Variants in ADAMTSL1 observed in about 807,000 individuals in gnomAD.
ADAMTSL1 encodes the protein ADAMTS-like protein 1.
ADAMTSL1 carries 126 observed loss-of-function variants against 201.8 expected under a neutral mutation model. The ratio of observed to expected loss-of-function variants is 0.62; its 90% CI spans 0.54 to 0.72. The LOEUF (loss-of-function observed/expected upper bound fraction) is 0.72. Among genes scored for constraint, ADAMTSL1 ranks in the 30% least tolerant of loss-of-function variants. The pLI is 0.00. For synonymous variants in ADAMTSL1, 1,121 were observed against 903.4 expected (o/e 1.24, Z -4.32); for missense variants, 2,679 against 2,277.8 (o/e 1.18, Z -3.59).
At chr9:18,343,881 C>T (rs558867817) in intron 2 of ADAMTSL1, among the ~76,000 whole-genome samples, 6 of 152,164 alleles carry the variant, frequency 3.9e-5, no homozygotes, top group Non-Finnish European at 7.4e-5. Flanking sequence ...AGCTTTATGT[C>T]TGAAAAATGT....
chr9:18,077,500 A>C (rs1239504862), intron 1 of ADAMTSL1, among the ~76,000 whole-genome samples: 2 of 152,200 alleles, frequency 1.3e-5, no homozygotes, highest in Non-Finnish European at 2.9e-5. Flanking sequence ...TGTGATATTG[A>C]GAAAATGCAT....
intron 21 of ADAMTSL1, among the ~76,000 whole-genome samples, chr9:18,819,079 C>A (rs1468260909): frequency 2.0e-5 from 3 of 152,162 alleles, no homozygotes; most frequent in African/African-American, 7.2e-5. Context: ...TCACTATGGA[C>A]ACATGCTTTG....
intron 1 of ADAMTSL1, among the ~76,000 whole-genome samples, chr9:18,088,447 T>C (rs1021345335): frequency 6.6e-6 from 1 of 152,006 alleles, no homozygotes; most frequent in African/African-American, 2.4e-5. Flanking sequence ...ACAATCAACA[T>C]GGAGAAAATG....
At chr9:18,719,949 A>G (rs926621604) in intron 14 of ADAMTSL1, among the ~76,000 whole-genome samples, 1 of 152,218 alleles carries the variant, frequency 6.6e-6, no homozygotes, top group African/African-American at 2.4e-5. Context: ...GTATTTATGT[A>G]TATTGCTAAT....
At position 18,524,511 on chromosome 9, in the gene ADAMTSL1, T is replaced by C. The variant is rs533089459; in HGVS notation, c.192-8736T>C. Among the ~76,000 whole-genome samples the C allele has an allele frequency of 7.5e-3, 1,148 of 152,182 alleles. 22 individuals are homozygous for C. Among genetic ancestry groups the C allele is most frequent in the African/African-American group, 0.025 (1,026 of 41,520 alleles). On this transcript the variant is annotated intron_variant, in intron 2 of 28. Coordinates refer to ENST00000380548, the MANE Select transcript of ADAMTSL1 (RefSeq NM_001040272.6). Reference sequence around the variant, plus strand: ...GAGTGGTGAGAGAGGGCATCCCTGTTTTGTGCCAGTTTTCAAAGGGAATGC... The same window carrying C: ...GAGTGGTGAGAGAGGGCATCCCTGTCTTGTGCCAGTTTTCAAAGGGAATGC...
intron 7 of ADAMTSL1, among the ~76,000 whole-genome samples, chr9:18,653,403 C>T (rs1301551826): frequency 6.6e-6 from 1 of 152,196 alleles, no homozygotes; most frequent in Admixed American, 6.5e-5. Flanking sequence ...CTTTAGACAA[C>T]ATTATACCTG....
At chr9:18,139,736 A>G (rs546097069) in intron 1 of ADAMTSL1, among the ~76,000 whole-genome samples, 1 of 152,188 alleles carries the variant, frequency 6.6e-6, no homozygotes, top group Non-Finnish European at 1.5e-5. Context: ...AGATATAGAC[A>G]TGAGATCACA....
intron 2 of ADAMTSL1, among the ~76,000 whole-genome samples, chr9:18,237,102 A>G (rs1174331170): frequency 1.3e-5 from 2 of 152,232 alleles, no homozygotes; most frequent in Non-Finnish European, 2.9e-5. Context: ...ACAATAAACA[A>G]ACATCACTAA....
chr9:18,536,098 T>C (rs1426358501), intron 3 of ADAMTSL1, among the ~76,000 whole-genome samples: 2 of 152,194 alleles, frequency 1.3e-5, no homozygotes, highest in Non-Finnish European at 2.9e-5. Flanking sequence ...ATTTTCTTGC[T>C]TTTAGTGATA....
At chr9:17,933,784 C>G (rs1018935226) in intron 1 of ADAMTSL1, among the ~76,000 whole-genome samples, 3 of 152,120 alleles carry the variant, frequency 2.0e-5, no homozygotes, top group Non-Finnish European at 4.4e-5. Flanking sequence ...ATCATGAGAA[C>G]AGCAAGGGAG....
At chr9:18,082,177 G>A (rs77831657) in intron 1 of ADAMTSL1, among the ~76,000 whole-genome samples, 3,195 of 152,178 alleles carry the variant, frequency 0.021, 117 homozygotes, top group African/African-American at 0.073. Context: ...ATATAAAGGC[G>A]GAACAATAGC....
At chr9:18,885,392 A>G (rs962361802) in intron 23 of ADAMTSL1, among the ~76,000 whole-genome samples, 2 of 152,204 alleles carry the variant, frequency 1.3e-5, no homozygotes, top group East Asian at 3.9e-4. Flanking sequence ...AAATATCTGA[A>G]CCATAGTAGC....
At chr9:18,857,741 A>G (rs1826953288) in intron 23 of ADAMTSL1, among the ~76,000 whole-genome samples, 1 of 152,270 alleles carries the variant, frequency 6.6e-6, no homozygotes, top group East Asian at 1.9e-4. Flanking sequence ...TTCCTCATTG[A>G]ACTTACCTGC....
At chr9:18,298,270 G>A (rs1055807530) in intron 2 of ADAMTSL1, among the ~76,000 whole-genome samples, 1 of 152,174 alleles carries the variant, frequency 6.6e-6, no homozygotes, top group Non-Finnish European at 1.5e-5. Flanking sequence ...AAGTACCAGA[G>A]AGCCGTGCAG....
At chr9:18,071,807 A>T (rs577708545) in intron 1 of ADAMTSL1, among the ~76,000 whole-genome samples, 6 of 152,306 alleles carry the variant, frequency 3.9e-5, no homozygotes, top group African/African-American at 9.6e-5. Flanking sequence ...TTCCAGGATG[A>T]CTCAATCTGG....
intron 2 of ADAMTSL1, among the ~76,000 whole-genome samples, chr9:18,407,938 G>C (rs1406159233): frequency 6.6e-6 from 1 of 152,098 alleles, no homozygotes; most frequent in Non-Finnish European, 1.5e-5. Context: ...TGTTATAGGG[G>C]ATGTTTCAGT....
intron 2 of ADAMTSL1, among the ~76,000 whole-genome samples, chr9:18,438,342 C>A (rs931272826): frequency 1.3e-5 from 2 of 152,048 alleles, no homozygotes; most frequent in Admixed American, 1.3e-4. Flanking sequence ...CTCTGGAAAA[C>A]ACAGGCCAGT....
chr9:18,825,790 C>T (rs565646500), intron 21 of ADAMTSL1, among the ~76,000 whole-genome samples: 14 of 151,348 alleles, frequency 9.3e-5, no homozygotes, highest in African/African-American at 2.9e-4. Flanking sequence ...TTTTTACTTA[C>T]GGAAAGGAAA....
chr9:18,899,709 G>C (rs1327758746), intron 26 of ADAMTSL1, among the ~76,000 whole-genome samples: 2 of 152,126 alleles, frequency 1.3e-5, no homozygotes, highest in Non-Finnish European at 2.9e-5. Context: ...CTACTTAATA[G>C]ATGGTGCTTG....
Sources: allele counts gnomAD v4.1 joint callset (sites outside exome capture counted in the v4.1 genomes callset), GRCh38; gene constraint gnomAD v4.1.1; transcripts MANE v1.5; gene names NCBI Gene and HGNC (gene_info 2026-07-23, HGNC 2026-07-21).